PLCXD2: variants seen among roughly 807,000 people sequenced by gnomAD.
PLCXD2 encodes phosphatidylinositol specific phospholipase C X domain containing 2.
In PLCXD2, 21 loss-of-function variants were observed where a neutral mutation model predicts 28.6. That is an observed-to-expected ratio of 0.73 (90% CI 0.52 to 1.06). The LOEUF (loss-of-function observed/expected upper bound fraction) is 1.06, where lower values mean the gene tolerates loss of function less well. Ranked by LOEUF, PLCXD2 falls within the 50% of genes least tolerant of loss-of-function variation. PLCXD2 has a pLI of 0.00. For missense variants in PLCXD2, 369 were observed against 376.7 expected, an observed-to-expected ratio of 0.98 and a Z score of 0.17; for synonymous variants, 140 against 150.1, an observed-to-expected ratio of 0.93 and a Z score of 0.49.
At chr3:111,725,424 T>C in intron 3 of PLCXD2, 1 of 383,020 alleles carries the variant, frequency 2.6e-6, no homozygotes, top group Non-Finnish European at 4.6e-6. Flanking sequence ...TGATAAGTAA[T>C]TTAGGTAGAA....
chr3:111,707,862 C>T, intron 1 of PLCXD2, 64 bp from the exon 2 acceptor site: 1 of 1,418,410 alleles, frequency 7.1e-7, no homozygotes, highest in South Asian at 1.4e-5. Flanking sequence ...GTTTTCTCAT[C>T]AATTGGCTTA....
intron 1 of PLCXD2, chr3:111,677,076 T>C (rs1195020671): frequency 6.6e-6 from 1 of 152,170 alleles, no homozygotes; most frequent in East Asian, 1.9e-4. Flanking sequence ...CTGGAAATTA[T>C]ATGATTAGCC....
chr3:111,723,354 T>G (rs556757547), intron 3 of PLCXD2: 2 of 152,338 alleles, frequency 1.3e-5, no homozygotes, highest in South Asian at 2.1e-4. Context: ...GTTTACATGA[T>G]TTTGTCCTTT....
chr3:111,701,351 T>C (rs1289863248), intron 1 of PLCXD2, among the ~76,000 whole-genome samples: 1 of 152,132 alleles, frequency 6.6e-6, no homozygotes, highest in Non-Finnish European at 1.5e-5. Context: ...GGAGAAAATA[T>C]AGACATATTT....
At chr3:111,688,017 A>G (rs1171637139) in intron 1 of PLCXD2, among the ~76,000 whole-genome samples, 1 of 152,182 alleles carries the variant, frequency 6.6e-6, no homozygotes, top group African/African-American at 2.4e-5. Flanking sequence ...TTATTCACAC[A>G]GGAGGCACTA....
Position 111,713,889 on chromosome 3 carries a change from T to C in PLCXD2, c.627T>C (p.Val209=). ...TTTTTGTGTTTTGAATATTTCAGGTTCTTATTTTCTACCACTGTCCCTTCT... is the reference window on the plus strand; with the variant it reads ...TTTTTGTGTTTTGAATATTTCAGGTCCTTATTTTCTACCACTGTCCCTTCT... The change falls in exon 3 of 5, where the codon GTT becomes GTC. Residue 209 remains valine (V), a splice_region_variant and synonymous_variant. Transcript: ENST00000477665. The C allele has an allele frequency of 6.2e-7, 1 of 1,610,976 alleles. No individual in the cohort carries two copies. Among genetic ancestry groups the C allele is most frequent in the Non-Finnish European group, 8.5e-7 (1 of 1,177,610 alleles).
At chr3:111,724,861 T>G (rs963207657) in intron 3 of PLCXD2, 7 of 152,240 alleles carry the variant, frequency 4.6e-5, no homozygotes, top group Non-Finnish European at 1.5e-5. Flanking sequence ...GCTAAATCTT[T>G]CTTGGTTCCT....
chr3:111,718,952 T>C (rs560460226), intron 3 of PLCXD2, among the ~76,000 whole-genome samples: 16 of 152,338 alleles, frequency 1.1e-4, no homozygotes, highest in African/African-American at 3.8e-4. Flanking sequence ...AAGCCTTTGA[T>C]TAATAAAATG....
At chr3:111,716,628 T>G (rs991496244) in intron 3 of PLCXD2, among the ~76,000 whole-genome samples, 1 of 152,122 alleles carries the variant, frequency 6.6e-6, no homozygotes, top group African/African-American at 2.4e-5. Context: ...ATCCATGAAC[T>G]CTATAAGGGA....
intron 1 of PLCXD2, among the ~76,000 whole-genome samples, chr3:111,689,524 C>A (rs193300792): frequency 6.6e-6 from 1 of 152,344 alleles, no homozygotes; most frequent in Non-Finnish European, 1.5e-5. Flanking sequence ...AACCCACCTT[C>A]GCTTTGCCTC....
At chr3:111,706,563 G>T (rs930669639) in intron 1 of PLCXD2, among the ~76,000 whole-genome samples, 1 of 151,680 alleles carries the variant, frequency 6.6e-6, no homozygotes, top group Non-Finnish European at 1.5e-5. Context: ...AAAATGACAA[G>T]GACTAAGTCC....
chr3:111,680,776 A>G (rs1339450247), intron 1 of PLCXD2, among the ~76,000 whole-genome samples: 2 of 152,204 alleles, frequency 1.3e-5, no homozygotes, highest in Non-Finnish European at 2.9e-5. Context: ...GCCCTTTACA[A>G]GCAGTGTGAC....
At chr3:111,719,241 A>C (rs1941313633) in intron 3 of PLCXD2, among the ~76,000 whole-genome samples, 1 of 152,326 alleles carries the variant, frequency 6.6e-6, no homozygotes, top group South Asian at 2.1e-4. Flanking sequence ...AAATGGACAA[A>C]TTAGAATCTG....
chr3:111,680,374 C>G (rs1340319511), intron 1 of PLCXD2, among the ~76,000 whole-genome samples: 1 of 151,892 alleles, frequency 6.6e-6, no homozygotes, highest in Non-Finnish European at 1.5e-5. Context: ...TGAGTTGGCC[C>G]TAAAACAAAT....
intron 1 of PLCXD2, among the ~76,000 whole-genome samples, chr3:111,698,322 A>G (rs1940992233): frequency 6.6e-6 from 1 of 152,184 alleles, no homozygotes; most frequent in Non-Finnish European, 1.5e-5. Flanking sequence ...TTTTATTCAC[A>G]TAACTAGTAG....
At chr3:111,679,915 TC>T (rs1185702384) in intron 1 of PLCXD2, among the ~76,000 whole-genome samples, 1 of 152,152 alleles carries the variant, frequency 6.6e-6, no homozygotes, top group African/African-American at 2.4e-5. Context: ...CTCTCCCAGA[TC>T]TCATTTCTTG....
chr3:111,716,653 C>T (rs1941271082), intron 3 of PLCXD2, among the ~76,000 whole-genome samples: 1 of 152,166 alleles, frequency 6.6e-6, no homozygotes, highest in Admixed American at 6.5e-5. Context: ...GGACTGAAAT[C>T]AGAAGGCCTG....
At chr3:111,678,025 C>T (rs1322709433) in intron 1 of PLCXD2, among the ~76,000 whole-genome samples, 1 of 152,128 alleles carries the variant, frequency 6.6e-6, no homozygotes, top group Non-Finnish European at 1.5e-5. Flanking sequence ...AGGACTGGGT[C>T]AGATCTATCA....
chr3:111,716,993 C>T (rs6794420), intron 3 of PLCXD2, among the ~76,000 whole-genome samples: 25,758 of 152,092 alleles, frequency 0.17, 4,024 homozygotes, highest in African/African-American at 0.42. Context: ...CCTCAGGAGA[C>T]ATGAAATCTG....
Sources: gnomAD v4.1 joint callset for allele counts (sites outside exome capture counted in the v4.1 genomes callset) on GRCh38, gnomAD v4.1.1 for gene constraint, MANE v1.5 for transcripts, NCBI Gene and HGNC (gene_info 2026-07-23, HGNC 2026-07-21) for gene names.